MUC22: variants seen among roughly 807,000 people sequenced by gnomAD.
MUC22 encodes mucin 22, also known as mucin-22.
A neutral mutation model predicts 40.3 loss-of-function variants in MUC22; 24 were observed. The ratio of observed to expected loss-of-function variants is 0.60; its 90% confidence interval spans 0.43 to 0.84. The LOEUF is 0.84. MUC22 is among the 40% of genes least tolerant of loss of function. The probability of loss-of-function intolerance (pLI) is 0.00; values close to 1 mark genes in which losing one functional copy is unlikely to be tolerated. For missense variants in MUC22, 1,926 were observed against 2,130.7 expected (o/e 0.90, Z 1.89); for synonymous variants, 765 against 844.5 (o/e 0.91, Z 1.63).
intron 1 of MUC22, among the ~76,000 whole-genome samples, chr6:31,018,918 C>G (rs535914761): frequency 6.6e-6 from 1 of 151,468 alleles, no homozygotes; most frequent in South Asian, 2.1e-4. Flanking sequence ...CTGAGTGATG[C>G]AGTGGCCAGA....
chr6:31,027,913 G>T, exon 2 of MUC22: 1 of 1,534,984 alleles, frequency 6.5e-7, no homozygotes, highest in East Asian at 2.5e-5. Context: ...GACCACCACA[G>T]ACTCTACTGA....
chr6:31,017,915 C>G (rs1764355644), intron 1 of MUC22, among the ~76,000 whole-genome samples: 1 of 152,148 alleles, frequency 6.6e-6, no homozygotes, highest in African/African-American at 2.4e-5. Context: ...GCTGCTCACT[C>G]TTTGAGTCCA....
upstream of MUC22, among the ~76,000 whole-genome samples, chr6:31,007,720 G>A (rs551451032): frequency 6.6e-6 from 1 of 152,088 alleles, no homozygotes; most frequent in Admixed American, 6.6e-5. This position sits in a 1 kb window ranked among gnomAD's most constrained non-coding sequence, Gnocchi z 4.0. Context: ...CGTAATTGCC[G>A]GGTCCCTGGA....
At chr6:31,017,861 A>G (rs1040361309) in intron 1 of MUC22, among the ~76,000 whole-genome samples, 1 of 152,226 alleles carries the variant, frequency 6.6e-6, no homozygotes, top group Non-Finnish European at 1.5e-5. Flanking sequence ...ACTCTTCTAT[A>G]GTGTGGAAAC....
chr6:31,019,213 G>A (rs1338280778), intron 1 of MUC22, among the ~76,000 whole-genome samples: 1 of 152,210 alleles, frequency 6.6e-6, no homozygotes, highest in Non-Finnish European at 1.5e-5. Flanking sequence ...AAAGCTAGAA[G>A]TTGTTCTTGA....
upstream of MUC22, among the ~76,000 whole-genome samples, chr6:31,008,146 C>T (rs117171207): frequency 0.012 from 1,839 of 152,342 alleles, 27 homozygotes; most frequent in Middle Eastern, 0.02. Flanking sequence ...TTTATAATGG[C>T]GAAGAGCACA....
chr6:31,035,070 T>A lies in MUC22; in HGVS notation c.*132T>A, dbSNP rs1766358229. 6.4e-6 allele frequency: 6 copies of A among 944,076 alleles called. No homozygotes were observed. In the South Asian group the frequency reaches 1.1e-4, roughly 17 times the overall value. The allele number at this position is 944,076 out of a possible 1,614,324, so 58.5% of individuals were successfully genotyped here. A position where few individuals can be genotyped will look rare whatever the true frequency, so the allele number is the denominator to read the frequency against. On this transcript the variant is annotated 3_prime_UTR_variant, in exon 4 of 4. Transcript: ENST00000561890. ...GTCATGGAGGAGAAAAAAATAATGA[T>A]CATGAAATAATTAAAATGGAGCATA...
At chr6:31,025,922 A>G in exon 2 of MUC22, 1 of 1,534,616 alleles carries the variant, frequency 6.5e-7, no homozygotes, top group Non-Finnish European at 8.7e-7. Context: ...GCAGGCTCTG[A>G]GAAAACGATG....
intron 3 of MUC22, among the ~76,000 whole-genome samples, chr6:31,034,421 C>T (rs1766293702): frequency 6.6e-6 from 1 of 152,140 alleles, no homozygotes; most frequent in Admixed American, 6.5e-5. Context: ...GAGCTAGGGC[C>T]TGAGTACGCA....
Position 31,026,188 on chromosome 6 carries a change from A to G in MUC22, c.757A>G (p.Met253Val), listed in dbSNP as rs892936432. 1.2e-5 allele frequency: 19 copies of G among 1,523,434 alleles called. No individual in the cohort carries two copies. Among genetic ancestry groups the G allele is most frequent in the Middle Eastern group, 1.7e-4 (1 of 5,932 alleles). The allele number at this position is 1,523,434 out of a possible 1,614,324, so 94.4% of individuals were successfully genotyped here. ...CTCCAAGGTGATCACGGCATCCAGC[A>G]TGAGCTCTGAGACCACTGTGGCCCC... The change falls in exon 2 of 4, where the codon ATG becomes GTG. Residue 253 changes from methionine to valine, a missense_variant. Transcript: ENST00000561890.
chr6:31,016,826 G>A (rs28360983), intron 1 of MUC22, among the ~76,000 whole-genome samples: 7,398 of 152,294 alleles, frequency 0.049, 226 homozygotes, highest in South Asian at 0.12. Context: ...GGCTGCCTGC[G>A]GCACTTGCGG....
At chr6:31,035,190 G>A (rs1766366438) in exon 4 of MUC22, 1 of 491,444 alleles carries the variant, frequency 2.0e-6, no homozygotes, top group African/African-American at 1.9e-5. Context: ...CTGGCTTGGA[G>A]GGGACTTCAA....
chr6:31,023,030 C>T (rs28744236), intron 1 of MUC22, among the ~76,000 whole-genome samples: 9,199 of 151,610 alleles, frequency 0.061, 344 homozygotes, highest in South Asian at 0.12. Flanking sequence ...CTCAGGAGGC[C>T]GAGGCAGGAG....
intron 1 of MUC22, among the ~76,000 whole-genome samples, chr6:31,020,215 T>C (rs1764568871): frequency 6.6e-6 from 1 of 151,736 alleles, no homozygotes; most frequent in Non-Finnish European, 1.5e-5. Flanking sequence ...TAGAATGAGC[T>C]AGAAAAGACA....
chr6:31,022,461 T>A (rs1464455510), intron 1 of MUC22, among the ~76,000 whole-genome samples: 1 of 117,534 alleles, frequency 8.5e-6, no homozygotes, highest in Non-Finnish European at 1.8e-5. Flanking sequence ...AAGACTGACA[T>A]TTTTTTTTAA....
intron 1 of MUC22, among the ~76,000 whole-genome samples, chr6:31,018,084 G>A (rs2150755641): frequency 6.6e-6 from 1 of 152,312 alleles, no homozygotes; most frequent in South Asian, 2.1e-4. Context: ...GACACTCACG[G>A]CGAGAGTCCA....
chr6:31,020,868 A>C (rs1764655257), intron 1 of MUC22, among the ~76,000 whole-genome samples: 1 of 152,184 alleles, frequency 6.6e-6, no homozygotes, highest in Non-Finnish European at 1.5e-5. Context: ...CACCCGGGCC[A>C]GTGGCTGCGG....
At chr6:31,030,243 C>A in intron 2 of MUC22, 143 bp downstream of exon 2, 3 of 1,004,456 alleles carry the variant, frequency 3.0e-6, no homozygotes, top group Non-Finnish European at 4.2e-6. Context: ...CTAGGCTGGG[C>A]GCGGTGGCTC....
At chr6:31,035,264 C>CGAGAT in exon 4 of MUC22, 1 of 330,240 alleles carries the variant, frequency 3.0e-6, no homozygotes, top group Non-Finnish European at 5.5e-6. Flanking sequence ...CGACAACCAC[C>CGAGAT]CTCAGGACAT....
Sources: allele counts gnomAD v4.1 joint callset (sites outside exome capture counted in the v4.1 genomes callset), GRCh38; gene constraint gnomAD v4.1.1; non-coding constraint Gnocchi (gnomAD v3.1); transcripts MANE v1.5; gene names NCBI Gene and HGNC (gene_info 2026-07-23, HGNC 2026-07-21).